Variants in LAMP1 observed in about 807,000 individuals in gnomAD.
The protein encoded by LAMP1 is lysosome associated membrane protein 1, also known as lysosome-associated membrane glycoprotein 1.
A neutral mutation model predicts 37.5 loss-of-function variants in LAMP1; 7 were observed. The ratio of observed to expected loss-of-function variants is 0.19; its 90% CI spans 0.11 to 0.35. The LOEUF (loss-of-function observed/expected upper bound fraction) is 0.35. Ranked by LOEUF, LAMP1 falls within the 10% of genes least tolerant of loss-of-function variation. The pLI is 1.00. For missense variants in LAMP1, 537 were observed against 552.8 expected (o/e 0.97, Z 0.29); for synonymous variants, 236 against 229.1 (o/e 1.03, Z -0.27).
At chr13:113,312,799 A>AGG (rs2042637495) in intron 4 of LAMP1, among the ~76,000 whole-genome samples, 1 of 152,196 alleles carries the variant, frequency 6.6e-6, no homozygotes, top group Admixed American at 6.5e-5. Flanking sequence ...CAGCCTGTCT[A>AGG]GGTGTGTTCA....
intron 1 of LAMP1, among the ~76,000 whole-genome samples, chr13:113,301,640 AAAAAATATAT>A (rs2042573275): frequency 2.7e-5 from 2 of 75,102 alleles, no homozygotes; most frequent in Admixed American, 1.4e-4. Context: ...AAAAAAAAAA[AAAAAATATAT>A]ATATATATAT....
chr13:113,319,367 C>T (rs1595463898), intron 4 of LAMP1, 102 bp from the exon 5 acceptor site: 1 of 1,056,278 alleles, frequency 9.5e-7, no homozygotes, highest in African/African-American at 1.6e-5. Flanking sequence ...CCAAGGACGC[C>T]AGAGTCCACA....
Position 113,322,536 on chromosome 13 carries a change from C to A in LAMP1, c.*115C>A. The A allele has an allele frequency of 2.1e-6, 2 of 947,440 alleles. No homozygotes were observed. Among genetic ancestry groups the A allele is most frequent in the Non-Finnish European group, 3.1e-6 (2 of 648,714 alleles). The allele number at this position is 947,440 out of a possible 1,614,324, so 58.7% of individuals were successfully genotyped here. On this transcript the variant is annotated 3_prime_UTR_variant, in exon 9 of 9. Transcript: ENST00000332556. ...AAACGTTTCTCAAATCTGCTTCATC[C>A]AATGTGAAGTTCATCTTGCAGCATT...
chr13:113,297,746 C>T lies in LAMP1; in HGVS notation c.61+251C>T, dbSNP rs924514916. 2.1e-4 allele frequency among the ~76,000 whole-genome samples: 32 copies of T among 152,226 alleles called. No homozygotes were observed. Among genetic ancestry groups the T allele is most frequent in the African/African-American group, 7.7e-4 (32 of 41,456 alleles). On this transcript the variant is annotated intron_variant, in intron 1 of 8. Coordinates refer to ENST00000332556, the MANE Select transcript of LAMP1 (RefSeq NM_005561.4). The surrounding 1 kb of genome is among the most constrained non-coding windows in gnomAD (Gnocchi z 4.4). ...GACCTGGCTCCTCTAAGGTCTGTCT[C>T]ACTGAACTCAGTTTTTCTGTGGTGG... is the stretch of plus-strand genomic sequence containing the variant.
Position 113,309,572 on chromosome 13 carries a change from G to C in LAMP1, c.184-71G>C, listed in dbSNP as rs982035228. ...AGTATAAGTTTATATCAGACTTACA[G>C]AAAATCTCTTTCTTTGAACTTTTAA... On this transcript the variant is annotated intron_variant, in intron 2 of 8. Transcript: ENST00000332556. 1.6e-5 allele frequency: 19 copies of C among 1,191,600 alleles called. No homozygotes were observed. In the Admixed American group the frequency reaches 1.9e-4, roughly 12 times the overall value. The allele number at this position is 1,191,600 out of a possible 1,614,324, so 73.8% of individuals were successfully genotyped here. A position where few individuals can be genotyped will look rare whatever the true frequency, so the allele number is the denominator to read the frequency against.
At position 113,323,049 on chromosome 13, in the gene LAMP1, C is replaced by T. The variant is rs2042714496; in HGVS notation, c.*628C>T. On this transcript the variant is annotated 3_prime_UTR_variant, in exon 9 of 9. Coordinates refer to ENST00000332556, the MANE Select transcript of LAMP1 (RefSeq NM_005561.4). ...AGGCTGACATGCTCACACATTACAA[C>T]AGTAGAGAGGGAACATCCTAAGACA... 6.6e-6 allele frequency: 1 copy of T among 152,456 alleles called. No homozygotes were observed. The highest frequency in any genetic ancestry group is 1.5e-5 in the Non-Finnish European group (1 of 68,278). The allele number at this position is 152,456 out of a possible 1,614,324, so 9.4% of individuals were successfully genotyped here.
At chr13:113,316,515 T>C (rs1444795152) in intron 4 of LAMP1, among the ~76,000 whole-genome samples, 1 of 150,958 alleles carries the variant, frequency 6.6e-6, no homozygotes, top group South Asian at 2.1e-4. Context: ...CTCCGCCTCC[T>C]GGGTTCACGC....
In LAMP1 at chr13:113,319,499, C is replaced by G. The variant is rs774354712; in HGVS notation, c.593C>G (p.Pro198Arg). ...CGCTGTGAACAAGACAGGCCTTCCC[C>G]AACCACAGCGCCCCCTGCGCCACCC... ...ETRCEQDRPS[P>R]TTAPPAPPSP... Residue 198 changes from proline (P) to arginine (R), a missense_variant, in exon 5 of 9, where the codon CCA becomes CGA. Physicochemically the swap from Pro to Arg is moderately radical, Grantham distance 103. Transcript: ENST00000332556. 1.2e-6 allele frequency: 2 copies of G among 1,613,624 alleles called. No individual in the cohort carries two copies. Among genetic ancestry groups the G allele is most frequent in the Non-Finnish European group, 1.7e-6 (2 of 1,179,820 alleles).
intron 4 of LAMP1, among the ~76,000 whole-genome samples, chr13:113,313,567 G>C (rs568782666): frequency 6.6e-6 from 1 of 150,602 alleles, no homozygotes; most frequent in African/African-American, 2.5e-5. Flanking sequence ...AGTCAGTGTG[G>C]AGATGCCGGT....
At chr13:113,307,765 T>A (rs1439430126) in intron 2 of LAMP1, among the ~76,000 whole-genome samples, 2 of 139,126 alleles carry the variant, frequency 1.4e-5, no homozygotes, top group South Asian at 2.4e-4. Flanking sequence ...ATTTTAAAAA[T>A]CCAAGACATA....
intron 1 of LAMP1, chr13:113,306,217 T>G: frequency 3.9e-6 from 1 of 253,722 alleles, no homozygotes. Context: ...ATTAGCTGGG[T>G]TTGGTGGCAC....
chr13:113,322,380 G>T lies in LAMP1; in HGVS notation c.1213G>T (p.Val405Phe). The T allele has an allele frequency of 1.2e-6, 2 of 1,613,766 alleles. No homozygotes were observed. Among genetic ancestry groups the T allele is most frequent in the South Asian group, 2.2e-5 (2 of 91,062 alleles). ...CCTCATCGTCCTCATCGCCTACCTC[G>T]TCGGCAGGAAGAGGAGTCACGCAGG... ...LVLIVLIAYLVGRKRSHAGYQ... is the reference protein window; with the variant it reads ...LVLIVLIAYLFGRKRSHAGYQ... The change falls in exon 9 of 9, where the codon GTC becomes TTC. Residue 405 changes from valine (V) to phenylalanine (F), a missense_variant. Transcript: ENST00000332556.
intron 4 of LAMP1, among the ~76,000 whole-genome samples, chr13:113,316,205 T>A (rs1227422285): frequency 6.6e-6 from 1 of 152,156 alleles, no homozygotes; most frequent in Non-Finnish European, 1.5e-5. Flanking sequence ...CAAACCGGAT[T>A]TCCAGCCCAG....
chr13:113,319,814 T>A (rs1429038145), intron 5 of LAMP1, among the ~76,000 whole-genome samples, 158 bp downstream of exon 5: 1 of 152,188 alleles, frequency 6.6e-6, no homozygotes, highest in African/African-American at 2.4e-5. Context: ...AGAGCTGGCG[T>A]CTGTGTCAGT....
At position 113,319,473 on chromosome 13, in the gene LAMP1, A is replaced by G. The variant is rs1325790015; in HGVS notation, c.567A>G (p.Thr189=). 1.9e-6 allele frequency: 3 copies of G among 1,607,226 alleles called. No homozygotes were observed. The highest frequency in any genetic ancestry group is 2.6e-6 in the Non-Finnish European group (3 of 1,175,578). The change falls in exon 5 of 9, where the codon ACA becomes ACG. Residue 189 remains threonine, a synonymous_variant. Coordinates refer to ENST00000332556, the MANE Select transcript of LAMP1 (RefSeq NM_005561.4). ...CTCCCTCCACTGCACCTGCAGAGAC[A>G]CGCTGTGAACAAGACAGGCCTTCCC... ...LSNSSFSRGE[T]RCEQDRPSPT...
chr13:113,317,843 G>C (rs1185533031), intron 4 of LAMP1, among the ~76,000 whole-genome samples: 1 of 152,084 alleles, frequency 6.6e-6, no homozygotes, highest in Non-Finnish European at 1.5e-5. Flanking sequence ...ATGCCACCAT[G>C]CCTGGCTCAT....
chr13:113,317,260 A>G (rs2042670721), intron 4 of LAMP1, among the ~76,000 whole-genome samples: 1 of 152,186 alleles, frequency 6.6e-6, no homozygotes, highest in African/African-American at 2.4e-5. Context: ...CGGGCAGCGC[A>G]GGGCACTCTC....
chr13:113,303,317 G>T (rs1042371442), intron 1 of LAMP1, among the ~76,000 whole-genome samples: 1 of 152,192 alleles, frequency 6.6e-6, no homozygotes, highest in African/African-American at 2.4e-5. Context: ...TTTCTCCCAA[G>T]TGGGGGTATT....
At chr13:113,303,121 T>C (rs1272585727) in intron 1 of LAMP1, among the ~76,000 whole-genome samples, 1 of 152,218 alleles carries the variant, frequency 6.6e-6, no homozygotes, top group East Asian at 1.9e-4. Flanking sequence ...AATGCTCAGC[T>C]GCTCCGACAG....
Sources: allele counts gnomAD v4.1 joint callset (sites outside exome capture counted in the v4.1 genomes callset), GRCh38; gene constraint gnomAD v4.1.1; non-coding constraint Gnocchi (gnomAD v3.1); transcripts MANE v1.5; gene names NCBI Gene and HGNC (gene_info 2026-07-23, HGNC 2026-07-21).